Variants in SHISA9 observed in about 807,000 individuals in gnomAD.
SHISA9 encodes the protein protein shisa-9.
Under a neutral mutation model 38.0 loss-of-function variants are expected in SHISA9, and 13 were observed. That is an observed-to-expected ratio of 0.34 (90% confidence interval 0.22 to 0.54). The LOEUF (loss-of-function observed/expected upper bound fraction) is 0.54. Ranked by LOEUF, SHISA9 falls within the 20% of genes least tolerant of loss-of-function variation. SHISA9 has a pLI of 0.91. For synonymous variants in SHISA9, 275 were observed against 242.0 expected, an observed-to-expected ratio of 1.14 and a Z score of -1.27; for missense variants, 538 against 575.8, an observed-to-expected ratio of 0.93 and a Z score of 0.67.
chr16:13,504,190 G>A, the SHISA9 span, among the ~76,000 whole-genome samples: 191 of 152,290 alleles, frequency 1.3e-3, no homozygotes, highest in African/African-American at 4.3e-3. Flanking sequence ...GAGTTTTGAT[G>A]AGGAGTTGCA....
At chr16:13,249,982 C>T in the SHISA9 span, among the ~76,000 whole-genome samples, 40 of 152,190 alleles carry the variant, frequency 2.6e-4, 1 homozygote, top group Non-Finnish European at 5.0e-4. Flanking sequence ...AATGCTTCCG[C>T]CTCGGTCTGC....
the SHISA9 span, among the ~76,000 whole-genome samples, chr16:13,482,566 G>T: frequency 6.6e-6 from 1 of 152,170 alleles, no homozygotes; most frequent in Non-Finnish European, 1.5e-5. Context: ...TTGGGAGGCT[G>T]AGGCAGGAGG....
intron 2 of SHISA9, among the ~76,000 whole-genome samples, chr16:13,172,826 G>A (rs1367736557): frequency 6.6e-6 from 1 of 151,074 alleles, no homozygotes; most frequent in Non-Finnish European, 1.5e-5. Context: ...TAATGAACTG[G>A]TGATGAAGTG....
chr16:13,042,319 C>G (rs1176066137), intron 2 of SHISA9, among the ~76,000 whole-genome samples: 1 of 152,174 alleles, frequency 6.6e-6, no homozygotes, highest in Non-Finnish European at 1.5e-5. Flanking sequence ...CTTCTTTCTG[C>G]TCATTGACAG....
chr16:13,357,229 C>T, the SHISA9 span, among the ~76,000 whole-genome samples: 346 of 152,252 alleles, frequency 2.3e-3, no homozygotes, highest in Admixed American at 5.2e-3. Flanking sequence ...CGGGACTTGC[C>T]GCTAAGGGTG....
At chr16:13,049,131 G>T (rs2073219494) in intron 2 of SHISA9, among the ~76,000 whole-genome samples, 1 of 151,236 alleles carries the variant, frequency 6.6e-6, no homozygotes, top group Admixed American at 6.6e-5. Flanking sequence ...GGCTTGAGCT[G>T]CCATTCTAAG....
chr16:13,351,598 C>T, the SHISA9 span, among the ~76,000 whole-genome samples: 17 of 152,284 alleles, frequency 1.1e-4, no homozygotes, highest in Admixed American at 5.2e-4. Flanking sequence ...TCAACACTTG[C>T]CCAGGTTACT....
intron 2 of SHISA9, among the ~76,000 whole-genome samples, chr16:12,929,221 G>A (rs1424103782): frequency 6.6e-6 from 1 of 152,210 alleles, no homozygotes; most frequent in Admixed American, 6.5e-5. Context: ...CATTGTGGGA[G>A]ACAGTGTGGT....
chr16:13,520,597 C>T, the SHISA9 span, among the ~76,000 whole-genome samples: 8 of 93,606 alleles, frequency 8.5e-5, no homozygotes, highest in Non-Finnish European at 1.4e-4. Flanking sequence ...GAGTGAAACT[C>T]TGTCTCAAAA....
intron 2 of SHISA9, among the ~76,000 whole-genome samples, chr16:13,181,193 T>C (rs1330944040): frequency 6.7e-6 from 1 of 148,732 alleles, no homozygotes; most frequent in Non-Finnish European, 1.5e-5. Flanking sequence ...TAATAATAAT[T>C]ATAATTACTA....
At chr16:13,196,457 C>T (rs1469694872) in intron 2 of SHISA9, among the ~76,000 whole-genome samples, 2 of 151,740 alleles carry the variant, frequency 1.3e-5, no homozygotes, top group Non-Finnish European at 2.9e-5. Context: ...ACCCTGTACC[C>T]CTCAAAACTG....
the SHISA9 span, among the ~76,000 whole-genome samples, chr16:13,440,382 T>G: frequency 6.6e-6 from 1 of 152,222 alleles, no homozygotes; most frequent in Admixed American, 6.5e-5. Flanking sequence ...TCCATCTATT[T>G]GGTTTGCTGC....
At chr16:13,510,788 TG>T in the SHISA9 span, among the ~76,000 whole-genome samples, 1 of 150,484 alleles carries the variant, frequency 6.6e-6, no homozygotes, top group Non-Finnish European at 1.5e-5. Context: ...GTGAATTTTC[TG>T]GGTTTTTTTT....
At chr16:12,945,850 AGAGCAACGAGAT>A (rs543719726) in intron 2 of SHISA9, among the ~76,000 whole-genome samples, 124 of 152,368 alleles carry the variant, frequency 8.1e-4, no homozygotes, top group African/African-American at 2.9e-3. Flanking sequence ...TGGCTCCCCC[AGAGCAACGAGAT>A]GAGCACTTTG....
chr16:13,338,897 C>T, the SHISA9 span, among the ~76,000 whole-genome samples: 1 of 152,112 alleles, frequency 6.6e-6, no homozygotes, highest in African/African-American at 2.4e-5. Context: ...GACTTGGGAA[C>T]CTGGCAATTT....
chr16:13,276,065 C>T, the SHISA9 span, among the ~76,000 whole-genome samples: 1 of 151,958 alleles, frequency 6.6e-6, no homozygotes, highest in South Asian at 2.1e-4. Context: ...AGTCTTTTAT[C>T]CCTCGCCCCC....
At position 13,240,010 on chromosome 16, in the gene SHISA9, C is replaced by G. The variant is rs968706972; in HGVS notation, c.*4601C>G. On this transcript the variant is annotated 3_prime_UTR_variant, in exon 5 of 5. Coordinates refer to ENST00000558583, the MANE Select transcript of SHISA9 (RefSeq NM_001145204.3). ...GAGAAACCAGAACAAAGCAGACAGG[C>G]TGTCCTCTTCCTAATTCCATGCCCT... The G allele has an allele frequency of 2.6e-5, 4 of 152,294 alleles. No homozygotes were observed. Among genetic ancestry groups the G allele is most frequent in the Admixed American group, 2.6e-4 (4 of 15,290 alleles). The allele number at this position is 152,294 out of a possible 1,614,324, so 9.4% of individuals were successfully genotyped here.
chr16:12,983,884 G>C (rs2072273088), intron 2 of SHISA9, among the ~76,000 whole-genome samples: 1 of 152,134 alleles, frequency 6.6e-6, no homozygotes, highest in Non-Finnish European at 1.5e-5. Context: ...AGGCTACTTT[G>C]AGGGGTTTCT....
the SHISA9 span, among the ~76,000 whole-genome samples, chr16:13,308,057 T>C: frequency 1.3e-5 from 2 of 152,226 alleles, no homozygotes; most frequent in Non-Finnish European, 2.9e-5. Flanking sequence ...TGCTCATGTC[T>C]CCCTTGCTCT....
Sources: allele counts gnomAD v4.1 joint callset (sites outside exome capture counted in the v4.1 genomes callset), GRCh38; gene constraint gnomAD v4.1.1; transcripts MANE v1.5; gene names NCBI Gene and HGNC (gene_info 2026-07-23, HGNC 2026-07-21).